Variants in SYT14 observed in about 807,000 individuals in gnomAD.
SYT14 encodes synaptotagmin 14.
A neutral mutation model predicts 74.2 loss-of-function variants in SYT14; 32 were observed. The ratio of observed to expected loss-of-function variants is 0.43; its 90% CI spans 0.33 to 0.58. SYT14 has a LOEUF of 0.58. Ranked by LOEUF, SYT14 falls within the 20% of genes least tolerant of loss-of-function variation. The pLI is 0.05. For missense variants in SYT14, 791 were observed against 981.8 expected (o/e 0.81, Z 2.60); for synonymous variants, 298 against 337.7 (o/e 0.88, Z 1.29).
At chr1:210,013,141 G>A (rs1443305848) in intron 2 of SYT14, among the ~76,000 whole-genome samples, 2 of 150,934 alleles carry the variant, frequency 1.3e-5, no homozygotes, top group Non-Finnish European at 2.9e-5. Context: ...CACAATCTCG[G>A]CTCACTGCAG....
intron 5 of SYT14, among the ~76,000 whole-genome samples, chr1:210,052,985 A>G (rs1172598541): frequency 1.3e-5 from 2 of 152,100 alleles, no homozygotes; most frequent in Non-Finnish European, 2.9e-5. Context: ...TAGTATTACA[A>G]TTTTATACAA....
intron 7 of SYT14, among the ~76,000 whole-genome samples, chr1:210,113,654 G>A (rs1475912911): frequency 6.6e-6 from 1 of 150,914 alleles, no homozygotes; most frequent in African/African-American, 2.5e-5. Flanking sequence ...TCCCATACTT[G>A]TGGATTAAGG....
chr1:210,103,731 T>A (rs909386987), intron 7 of SYT14, among the ~76,000 whole-genome samples: 1 of 152,156 alleles, frequency 6.6e-6, no homozygotes, highest in Non-Finnish European at 1.5e-5. Context: ...ATTAGTGAAA[T>A]CAGAGGATTA....
chr1:209,950,659 A>T (rs1254182287), intron 1 of SYT14, among the ~76,000 whole-genome samples: 2 of 152,184 alleles, frequency 1.3e-5, no homozygotes, highest in Non-Finnish European at 2.9e-5. Context: ...GATCTAACCT[A>T]CTTTGGTGAT....
intron 2 of SYT14, among the ~76,000 whole-genome samples, chr1:210,003,191 G>A (rs1001910787): frequency 8.5e-5 from 13 of 152,186 alleles, no homozygotes; most frequent in African/African-American, 2.9e-4. Flanking sequence ...CTCACCCACT[G>A]CTCTGCAGCC....
At chr1:210,079,345 G>A (rs941021930) in intron 5 of SYT14, among the ~76,000 whole-genome samples, 12 of 151,824 alleles carry the variant, frequency 7.9e-5, no homozygotes, top group Non-Finnish European at 1.0e-4. Flanking sequence ...AATTGTTACC[G>A]TTATATCCAT....
rs147919243 is a variant in SYT14, at chr1:209,995,342, A to G, written c.-485-18291A>G. 2.1e-3 allele frequency among the ~76,000 whole-genome samples: 318 copies of G among 152,324 alleles called. 1 individual carries two copies. Among genetic ancestry groups the G allele is most frequent in the African/African-American group, 7.3e-3 (304 of 41,582 alleles). On this transcript the variant is annotated intron_variant, in intron 2 of 9. Transcript: ENST00000637265. ...AAAAAGAGCAGAAGTCACTATTCTTATATCAGATAAAACATATGTTAAGCC... is the reference window on the plus strand; with the variant it reads ...AAAAAGAGCAGAAGTCACTATTCTTGTATCAGATAAAACATATGTTAAGCC...
chr1:209,994,238 A>G (rs1160783869), intron 2 of SYT14, among the ~76,000 whole-genome samples: 2 of 152,186 alleles, frequency 1.3e-5, no homozygotes, highest in East Asian at 1.9e-4. Context: ...AACACAATCT[A>G]AGGAATCCAG....
At chr1:209,954,851 G>A (rs554337114) in intron 2 of SYT14, among the ~76,000 whole-genome samples, 52 of 151,954 alleles carry the variant, frequency 3.4e-4, no homozygotes, top group South Asian at 2.3e-3. Flanking sequence ...GATTACAGGC[G>A]CATGCCACCA....
intron 2 of SYT14, among the ~76,000 whole-genome samples, chr1:210,011,502 T>C (rs936694432): frequency 6.6e-6 from 1 of 152,156 alleles, no homozygotes; most frequent in Non-Finnish European, 1.5e-5. Context: ...CGCCTCCTCC[T>C]CTCACTCCCA....
At chr1:209,960,039 A>AT (rs1303626393) in intron 2 of SYT14, among the ~76,000 whole-genome samples, 4 of 152,062 alleles carry the variant, frequency 2.6e-5, no homozygotes, top group South Asian at 2.1e-4. Flanking sequence ...ATTACTTTAG[A>AT]TTTTTTATGT....
exon 10 of SYT14, chr1:210,162,071 C>G (rs529033402): frequency 2.3e-6 from 1 of 440,474 alleles, no homozygotes; most frequent in African/African-American, 2.0e-5. Context: ...AATCTTCACT[C>G]TTACTTCAAT....
At chr1:210,067,591 C>G (rs974404006) in intron 5 of SYT14, among the ~76,000 whole-genome samples, 19 of 151,804 alleles carry the variant, frequency 1.3e-4, no homozygotes, top group African/African-American at 1.9e-4. Flanking sequence ...GAAGACCTCT[C>G]TCTATATATC....
At chr1:210,148,508 C>CAA (rs11295049) in intron 7 of SYT14, among the ~76,000 whole-genome samples, 1 of 127,488 alleles carries the variant, frequency 7.8e-6, no homozygotes, top group Non-Finnish European at 1.7e-5. Flanking sequence ...AACTCCGTCT[C>CAA]AAAAAAAAAA....
At chr1:210,062,896 A>G (rs980999028) in intron 5 of SYT14, among the ~76,000 whole-genome samples, 5 of 151,516 alleles carry the variant, frequency 3.3e-5, no homozygotes, top group Non-Finnish European at 5.9e-5. Context: ...GTATGCATGT[A>G]TATTTATTTG....
chr1:210,000,501 A>G (rs1049276905), intron 2 of SYT14, among the ~76,000 whole-genome samples: 1 of 111,090 alleles, frequency 9.0e-6, no homozygotes, highest in Non-Finnish European at 1.7e-5. Context: ...CACACACACA[A>G]TCTAAGAAAA....
chr1:209,979,399 T>G (rs1458019666), intron 2 of SYT14, among the ~76,000 whole-genome samples: 1 of 152,196 alleles, frequency 6.6e-6, no homozygotes, highest in Admixed American at 6.5e-5. Flanking sequence ...GATGTTGTTA[T>G]GGATGAGATG....
chr1:209,950,762 G>A (rs997492817), intron 1 of SYT14, among the ~76,000 whole-genome samples: 2 of 152,042 alleles, frequency 1.3e-5, no homozygotes, highest in African/African-American at 4.8e-5. Context: ...TGTTATTTCT[G>A]TAGGATATTT....
At chr1:210,009,951 T>A (rs2080055844) in intron 2 of SYT14, among the ~76,000 whole-genome samples, 1 of 152,090 alleles carries the variant, frequency 6.6e-6, no homozygotes, top group African/African-American at 2.4e-5. Flanking sequence ...CAACTCTTCT[T>A]CTTTCTTATC....
Sources: gnomAD v4.1 joint callset for allele counts (sites outside exome capture counted in the v4.1 genomes callset) on GRCh38, gnomAD v4.1.1 for gene constraint, MANE v1.5 for transcripts, NCBI Gene and HGNC (gene_info 2026-07-23, HGNC 2026-07-21) for gene names.